The following GPR137B variants were observed in gnomAD, a reference collection of about 807,000 sequenced individuals.
GPR137B encodes G protein-coupled receptor 137B.
A neutral mutation model predicts 42.5 loss-of-function variants in GPR137B; 42 were observed. The ratio of observed to expected loss-of-function variants is 0.99; its 90% CI spans 0.77 to 1.28. The LOEUF (loss-of-function observed/expected upper bound fraction) is 1.28, where lower values mean the gene tolerates loss of function less well. Among genes scored for constraint, GPR137B ranks in the 50% most tolerant of loss-of-function variants. GPR137B has a pLI of 0.00. For missense variants in GPR137B, 487 were observed against 493.9 expected (o/e 0.99, Z 0.13); for synonymous variants, 218 against 209.7 (o/e 1.04, Z -0.34).
intron 2 of GPR137B, among the ~76,000 whole-genome samples, chr1:236,170,973 CAAAAA>C (rs780390422): frequency 1.2e-5 from 1 of 83,050 alleles, no homozygotes. Flanking sequence ...GACTCTGTCT[CAAAAA>C]AAAAAAAAAA....
rs202151463 is a variant in GPR137B at position 236,183,814 on chromosome 1, G to A, written c.874G>A (p.Val292Ile). 60 of 1,604,098 alleles carry A rather than the reference G, an allele frequency of 3.7e-5. No individual in the cohort carries two copies. The highest frequency in any genetic ancestry group is 4.3e-5 in the Non-Finnish European group (50 of 1,171,140). ...GAATCAGCTGGGAGATGCTGGATAC[G>A]TATTATTTGGAGTGGTGTTATTTGT... Reference protein sequence around the residue: ...LKNQLGDAGYVLFGVVLFVWE... With the variant: ...LKNQLGDAGYILFGVVLFVWE... The change falls in exon 5 of 7, where the codon GTA becomes ATA. Residue 292 changes from valine to isoleucine, a missense_variant. By Grantham distance (29) the Val-to-Ile change is conservative. Transcript: ENST00000366592.
At chr1:236,178,125 G>A (rs1353478075) in intron 2 of GPR137B, among the ~76,000 whole-genome samples, 2 of 152,142 alleles carry the variant, frequency 1.3e-5, no homozygotes, top group Non-Finnish European at 2.9e-5. Context: ...TCTTCGCTGT[G>A]AGTAGGGAGC....
chr1:236,200,852 T>C (rs1029568717), intron 5 of GPR137B, among the ~76,000 whole-genome samples: 2 of 152,000 alleles, frequency 1.3e-5, no homozygotes, highest in African/African-American at 4.8e-5. Context: ...AACATTAGTA[T>C]TGAGATGTGA....
chr1:236,152,422 A>G (rs1474578307), intron 1 of GPR137B, among the ~76,000 whole-genome samples: 3 of 151,866 alleles, frequency 2.0e-5, no homozygotes, highest in African/African-American at 7.3e-5. Context: ...AGATCGCACC[A>G]CTGCATTCTA....
At position 236,151,418 on chromosome 1, in the gene GPR137B, A is replaced by ATTT. The variant is rs60574023; in HGVS notation, c.414+8404_414+8406dup. Among the ~76,000 whole-genome samples, 47 of 72,384 alleles carry ATTT rather than the reference A, an allele frequency of 6.5e-4. 1 individual carries two copies. Among genetic ancestry groups the ATTT allele is most frequent in the Non-Finnish European group, 8.3e-4 (34 of 40,772 alleles). 47.5% of individuals were successfully genotyped at this position (72,384 alleles called of 152,430 possible). A position where few individuals can be genotyped will look rare whatever the true frequency, so the allele number is the denominator to read the frequency against. ...CACATATGGTCTCTGTTGCATATTCATTTTTTTTTTTTTTTTTTTTTTTTG... is the reference window on the plus strand; with the variant it reads ...CACATATGGTCTCTGTTGCATATTCATTTTTTTTTTTTTTTTTTTTTTTTTTTG... On this transcript the variant is annotated intron_variant, in intron 1 of 6. Transcript: ENST00000366592.
At chr1:236,168,352 G>A (rs1662425986) in intron 1 of GPR137B, among the ~76,000 whole-genome samples, 1 of 151,696 alleles carries the variant, frequency 6.6e-6, no homozygotes, top group South Asian at 2.1e-4. Context: ...GAACCCGGGA[G>A]GCAGAGGTTG....
intron 5 of GPR137B, among the ~76,000 whole-genome samples, chr1:236,191,424 C>T (rs1441403489): frequency 2.0e-5 from 3 of 152,160 alleles, no homozygotes; most frequent in African/African-American, 7.2e-5. Flanking sequence ...AAGTGGCATT[C>T]TGGTTTTTGG....
chr1:236,206,559 T>C (rs1270956524), intron 6 of GPR137B, among the ~76,000 whole-genome samples: 1 of 152,100 alleles, frequency 6.6e-6, no homozygotes, highest in East Asian at 1.9e-4. Flanking sequence ...TGTAAGACAA[T>C]ACATGAACTA....
At chr1:236,153,073 G>C (rs200178229) in intron 1 of GPR137B, among the ~76,000 whole-genome samples, 1 of 148,078 alleles carries the variant, frequency 6.8e-6, no homozygotes, top group African/African-American at 2.5e-5. Flanking sequence ...AAAAAAAAAA[G>C]AAACAAACAA....
intron 5 of GPR137B, among the ~76,000 whole-genome samples, chr1:236,204,742 T>C (rs983127952): frequency 2.0e-5 from 3 of 152,142 alleles, no homozygotes; most frequent in African/African-American, 7.2e-5. Context: ...ATAAAAGACT[T>C]GTTATTGGTC....
At chr1:236,179,413 C>T (rs1413608555) in intron 3 of GPR137B, among the ~76,000 whole-genome samples, 1 of 152,088 alleles carries the variant, frequency 6.6e-6, no homozygotes, top group Non-Finnish European at 1.5e-5. Context: ...ATTAGGGCTC[C>T]TGTATTCCCG....
intron 5 of GPR137B, among the ~76,000 whole-genome samples, chr1:236,188,880 GT>G (rs1311643955): frequency 6.6e-6 from 1 of 152,164 alleles, no homozygotes; most frequent in Non-Finnish European, 1.5e-5. Context: ...GTTTAGAGTA[GT>G]TTCAGAAGGA....
chr1:236,195,926 G>C (rs1018284918), intron 5 of GPR137B, among the ~76,000 whole-genome samples: 7 of 151,996 alleles, frequency 4.6e-5, no homozygotes, highest in Admixed American at 4.6e-4. Context: ...CAAATCTTTT[G>C]CCCATTTTTA....
At chr1:236,145,372 AGGGG>A (rs1199333792) in intron 1 of GPR137B, among the ~76,000 whole-genome samples, 13 of 152,344 alleles carry the variant, frequency 8.5e-5, no homozygotes, top group African/African-American at 2.4e-4. Context: ...TTTTTGGAGA[AGGGG>A]CTGACAGCTA....
chr1:236,189,403 T>A (rs1663125296), intron 5 of GPR137B, among the ~76,000 whole-genome samples: 1 of 152,190 alleles, frequency 6.6e-6, no homozygotes, highest in Admixed American at 6.5e-5. Context: ...CTTTTAATTG[T>A]GATGTTAGGG....
chr1:236,169,136 C>T (rs1041163969), intron 2 of GPR137B, among the ~76,000 whole-genome samples: 1 of 152,200 alleles, frequency 6.6e-6, no homozygotes, highest in African/African-American at 2.4e-5. Flanking sequence ...TTGCCAGGTG[C>T]TTCCCCTTCC....
intron 5 of GPR137B, among the ~76,000 whole-genome samples, chr1:236,191,869 C>T (rs1416051835): frequency 6.6e-6 from 1 of 152,186 alleles, no homozygotes; most frequent in East Asian, 1.9e-4. Context: ...GAGAGATCTC[C>T]TTCTCTCTTC....
chr1:236,206,815 G>A (rs1333057010), intron 6 of GPR137B, among the ~76,000 whole-genome samples: 2 of 139,010 alleles, frequency 1.4e-5, no homozygotes, highest in Admixed American at 1.4e-4. Context: ...TTCAGCCTGT[G>A]GCTCTGAGAC....
intron 2 of GPR137B, among the ~76,000 whole-genome samples, chr1:236,168,964 C>CT (rs1378031295): frequency 6.6e-6 from 1 of 152,196 alleles, no homozygotes; most frequent in African/African-American, 2.4e-5. Flanking sequence ...ATCATGGGGA[C>CT]TTGCATCATA....
Sources: allele counts gnomAD v4.1 joint callset (sites outside exome capture counted in the v4.1 genomes callset), GRCh38; gene constraint gnomAD v4.1.1; transcripts MANE v1.5; gene names NCBI Gene and HGNC (gene_info 2026-07-23, HGNC 2026-07-21).